The following MACROD2 variants were observed in gnomAD, a reference collection of about 807,000 sequenced individuals.
MACROD2 encodes the protein mono-ADP ribosylhydrolase 2, also known as ADP-ribose glycohydrolase MACROD2.
A neutral mutation model predicts 70.4 loss-of-function variants in MACROD2; 36 were observed. That is an observed-to-expected ratio of 0.51 (90% CI 0.39 to 0.68). MACROD2 has a LOEUF of 0.68. Among genes scored for constraint, MACROD2 ranks in the 30% least tolerant of loss-of-function variants. The probability of loss-of-function intolerance (pLI) is 0.00; values close to 1 mark genes in which losing one functional copy is unlikely to be tolerated. For missense variants in MACROD2, 496 were observed against 538.4 expected, an observed-to-expected ratio of 0.92 and a Z score of 0.78; for synonymous variants, 172 against 178.8, an observed-to-expected ratio of 0.96 and a Z score of 0.30.
intron 4 of MACROD2, among the ~76,000 whole-genome samples, chr20:14,530,571 G>A (rs936919824): frequency 3.9e-5 from 6 of 152,196 alleles, no homozygotes; most frequent in African/African-American, 1.4e-4. Context: ...AAAAATACAT[G>A]TTCTTATCTG....
intron 8 of MACROD2, among the ~76,000 whole-genome samples, chr20:15,689,900 G>C (rs77958972): frequency 0.045 from 6,891 of 152,274 alleles, 537 homozygotes; most frequent in African/African-American, 0.16. Flanking sequence ...AGCAAAAGGT[G>C]TTGTCCTCTG....
intron 4 of MACROD2, among the ~76,000 whole-genome samples, chr20:14,673,642 G>A (rs1361202421): frequency 6.6e-6 from 1 of 152,064 alleles, no homozygotes; most frequent in Non-Finnish European, 1.5e-5. Flanking sequence ...AAGGTGGCTG[G>A]GCACAGTGGC....
At chr20:15,728,923 T>C (rs1025017058) in intron 8 of MACROD2, among the ~76,000 whole-genome samples, 1 of 152,194 alleles carries the variant, frequency 6.6e-6, no homozygotes, top group Non-Finnish European at 1.5e-5. Flanking sequence ...TGTCATCTAC[T>C]AGCTTTGGAG....
intron 3 of MACROD2, among the ~76,000 whole-genome samples, chr20:14,196,020 G>T (rs1197227218): frequency 6.6e-6 from 1 of 152,132 alleles, no homozygotes; most frequent in Non-Finnish European, 1.5e-5. Context: ...ACCCACTGGG[G>T]CTTCAGCTGT....
chr20:15,344,553 G>A (rs564601280), intron 6 of MACROD2, among the ~76,000 whole-genome samples: 103 of 152,156 alleles, frequency 6.8e-4, no homozygotes, highest in Admixed American at 1.4e-3. Context: ...AGTTTTTTTC[G>A]TATAGAAACA....
rs1374806535 is a variant in MACROD2, at chr20:14,555,397, C to T, written c.301+61889C>T. ...TGTTCCTGAGTTATGTGAGCTCCTC[C>T]AAGTTCCACTGTTTTGTCATTGCCA... On this transcript the variant is annotated intron_variant, in intron 4 of 17. Coordinates refer to ENST00000684519, the MANE Select transcript of MACROD2 (RefSeq NM_001351661.2). Among the ~76,000 whole-genome samples the T allele has an allele frequency of 4.6e-5, 7 of 152,022 alleles. 1 individual carries two copies. Among genetic ancestry groups the T allele is most frequent in the Non-Finnish European group, 2.9e-5 (2 of 67,972 alleles).
intron 3 of MACROD2, among the ~76,000 whole-genome samples, chr20:14,448,674 A>C (rs2084211159): frequency 6.9e-6 from 1 of 144,244 alleles, no homozygotes; most frequent in East Asian, 1.9e-4. Flanking sequence ...TCTCAGAAAA[A>C]AAAAAGAAAG....
At chr20:14,414,398 C>T (rs1371964564) in intron 3 of MACROD2, among the ~76,000 whole-genome samples, 2 of 152,034 alleles carry the variant, frequency 1.3e-5, no homozygotes, top group Non-Finnish European at 2.9e-5. Context: ...AAAAATATAT[C>T]CAGAACCTGA....
intron 8 of MACROD2, among the ~76,000 whole-genome samples, chr20:15,693,937 C>T (rs2050331379): frequency 6.6e-6 from 1 of 151,388 alleles, no homozygotes; most frequent in African/African-American, 2.4e-5. Context: ...TGTAACTTAG[C>T]TCCCACCTAT....
intron 2 of MACROD2, among the ~76,000 whole-genome samples, chr20:14,056,885 T>A (rs1176807608): frequency 6.6e-6 from 1 of 152,044 alleles, no homozygotes; most frequent in Non-Finnish European, 1.5e-5. Flanking sequence ...TATTAAAGTT[T>A]TGTATTACTG....
chr20:15,593,990 T>C (rs1470211774), intron 8 of MACROD2, among the ~76,000 whole-genome samples: 2 of 152,134 alleles, frequency 1.3e-5, no homozygotes, highest in Non-Finnish European at 2.9e-5. Context: ...ACCATGCTTA[T>C]AGCTGTGGCC....
At chr20:14,744,243 A>G (rs752766092) in intron 5 of MACROD2, among the ~76,000 whole-genome samples, 5 of 152,192 alleles carry the variant, frequency 3.3e-5, no homozygotes, top group Non-Finnish European at 5.9e-5. Context: ...CATAGGATGG[A>G]TTTTTGATTC....
intron 5 of MACROD2, among the ~76,000 whole-genome samples, chr20:14,956,958 G>A (rs550822433): frequency 4.1e-4 from 62 of 152,050 alleles, no homozygotes; most frequent in Non-Finnish European, 5.9e-4. Flanking sequence ...TTTCCTGCCT[G>A]CACCATTACT....
At chr20:14,034,181 A>G (rs1428609506) in intron 2 of MACROD2, among the ~76,000 whole-genome samples, 1 of 152,032 alleles carries the variant, frequency 6.6e-6, no homozygotes, top group Admixed American at 6.5e-5. Context: ...TCACCATGTT[A>G]GCCAGGATGG....
chr20:15,254,347 TG>T (rs1440914205), intron 6 of MACROD2, among the ~76,000 whole-genome samples: 1 of 152,134 alleles, frequency 6.6e-6, no homozygotes, highest in Non-Finnish European at 1.5e-5. Flanking sequence ...TAACTCTTGG[TG>T]GATGTTCAAA....
chr20:14,172,786 T>C (rs2081233575), intron 3 of MACROD2, among the ~76,000 whole-genome samples: 1 of 152,168 alleles, frequency 6.6e-6, no homozygotes, highest in Non-Finnish European at 1.5e-5. Context: ...TATTTTGGTG[T>C]ATTTTGAGGA....
intron 8 of MACROD2, among the ~76,000 whole-genome samples, chr20:15,787,981 T>C (rs1176972714): frequency 2.0e-5 from 3 of 152,200 alleles, no homozygotes; most frequent in Middle Eastern, 3.2e-3. Context: ...AGAAATATAC[T>C]CTTTTTAATG....
intron 8 of MACROD2, among the ~76,000 whole-genome samples, chr20:15,676,795 C>T (rs77832511): frequency 1.3e-3 from 192 of 152,148 alleles, no homozygotes; most frequent in African/African-American, 3.6e-3. Flanking sequence ...TTTTAAATGC[C>T]GCAGATCTTA....
rs143984256 is a variant in MACROD2 at position 15,829,645 on chromosome 20, T to G, written c.646-33100T>G. 4.5e-4 allele frequency among the ~76,000 whole-genome samples: 69 copies of G among 152,258 alleles called. No individual in the cohort carries two copies. The East Asian group carries it at 0.013, about 29-fold the overall frequency. On this transcript the variant is annotated intron_variant, in intron 8 of 17. Coordinates refer to ENST00000684519, the MANE Select transcript of MACROD2 (RefSeq NM_001351661.2). ...CTTTAAGTTCTACATTCAATAAACT[T>G]ATTCATTCATTCATTATTTGTTTTA...
Sources: gnomAD v4.1 joint callset for allele counts (sites outside exome capture counted in the v4.1 genomes callset) on GRCh38, gnomAD v4.1.1 for gene constraint, MANE v1.5 for transcripts, NCBI Gene and HGNC (gene_info 2026-07-23, HGNC 2026-07-21) for gene names.